CNBD1: variants seen among roughly 807,000 people sequenced by gnomAD.
CNBD1 encodes the protein cyclic nucleotide binding domain containing 1, also known as cyclic nucleotide-binding domain-containing protein 1.
CNBD1 carries 71 observed loss-of-function variants against 54.4 expected under a neutral mutation model. The ratio of observed to expected loss-of-function variants is 1.30; its 90% CI spans 1.08 to 1.59. The LOEUF (loss-of-function observed/expected upper bound fraction) is 1.59, where lower values mean the gene tolerates loss of function less well. Among genes scored for constraint, CNBD1 ranks in the 40% most tolerant of loss-of-function variants. The pLI is 0.00. For missense variants in CNBD1, 659 were observed against 518.0 expected (o/e 1.27, Z -2.64); for synonymous variants, 182 against 170.7 (o/e 1.07, Z -0.51).
chr8:87,365,991 T>G (rs1385134517), intron 10 of CNBD1, among the ~76,000 whole-genome samples: 1 of 152,106 alleles, frequency 6.6e-6, no homozygotes, highest in Non-Finnish European at 1.5e-5. Flanking sequence ...AAATCATTTT[T>G]AGTTGCCAAA....
chr8:87,381,822 A>G (rs948777850), intron 10 of CNBD1, among the ~76,000 whole-genome samples: 10 of 152,068 alleles, frequency 6.6e-5, no homozygotes, highest in African/African-American at 2.4e-4. Flanking sequence ...TAAAAAGTGG[A>G]ATGGTGGTTA....
chr8:87,038,170 T>A (rs1296246505), intron 4 of CNBD1, among the ~76,000 whole-genome samples: 2 of 152,078 alleles, frequency 1.3e-5, no homozygotes, highest in Non-Finnish European at 2.9e-5. Flanking sequence ...GAAAAGGAGG[T>A]AGCCATGTTG....
intron 2 of CNBD1, among the ~76,000 whole-genome samples, chr8:87,400,424 A>C (rs946100516): frequency 9.2e-5 from 14 of 151,974 alleles, no homozygotes; most frequent in Non-Finnish European, 1.6e-4. Context: ...GAAAAAATCA[A>C]TATTTGGTTA....
chr8:87,098,350 G>A (rs976757518), intron 4 of CNBD1, among the ~76,000 whole-genome samples: 1 of 152,154 alleles, frequency 6.6e-6, no homozygotes, highest in Non-Finnish European at 1.5e-5. Context: ...ACAAAATAGA[G>A]AGGTAGCCCC....
intron 10 of CNBD1, among the ~76,000 whole-genome samples, chr8:87,359,033 A>T (rs1810479679): frequency 6.6e-6 from 1 of 152,162 alleles, no homozygotes; most frequent in Non-Finnish European, 1.5e-5. Context: ...ACCCTCAAAG[A>T]CACATCTGGA....
chr8:87,128,870 T>C (rs979449689), intron 4 of CNBD1, among the ~76,000 whole-genome samples: 6 of 147,320 alleles, frequency 4.1e-5, no homozygotes, highest in Non-Finnish European at 7.5e-5. Context: ...GATCATGAGG[T>C]CAGGAAATCC....
chr8:87,279,877 C>A (rs181464694), intron 6 of CNBD1, among the ~76,000 whole-genome samples: 1 of 151,416 alleles, frequency 6.6e-6, no homozygotes, highest in Non-Finnish European at 1.5e-5. Context: ...CCATGCTTAG[C>A]CAACTTTTAA....
intron 6 of CNBD1, among the ~76,000 whole-genome samples, chr8:87,256,015 ATTTTTTTTTTT>A (rs1212667153): frequency 2.5e-4 from 4 of 15,778 alleles, no homozygotes; most frequent in South Asian, 5.8e-3. Flanking sequence ...ATATATATAT[ATTTTTTTTTTT>A]TTTTTTTTTT....
chr8:87,409,228 A>C (rs912910938), intron 2 of CNBD1, among the ~76,000 whole-genome samples: 5 of 152,184 alleles, frequency 3.3e-5, no homozygotes, highest in Non-Finnish European at 7.3e-5. Flanking sequence ...AGAAAGCAAC[A>C]GTTCTTACTG....
At chr8:87,397,586 T>A (rs542493138) in intron 2 of CNBD1, among the ~76,000 whole-genome samples, 4 of 152,086 alleles carry the variant, frequency 2.6e-5, no homozygotes, top group East Asian at 1.9e-4. Context: ...ATATATATAT[T>A]TTTAATTCAC....
At chr8:87,004,142 C>T (rs1052564341) in intron 4 of CNBD1, among the ~76,000 whole-genome samples, 11 of 152,010 alleles carry the variant, frequency 7.2e-5, no homozygotes, top group South Asian at 6.2e-4. Flanking sequence ...TGCTGGAGAC[C>T]GCATAATTTA....
intron 4 of CNBD1, among the ~76,000 whole-genome samples, chr8:86,948,553 T>A (rs187861354): frequency 6.6e-6 from 1 of 152,164 alleles, no homozygotes; most frequent in East Asian, 1.9e-4. Flanking sequence ...CATTTGCATG[T>A]CATTTTTTTG....
At chr8:86,926,798 CTGTA>C (rs1395615855) in intron 3 of CNBD1, among the ~76,000 whole-genome samples, 1 of 152,154 alleles carries the variant, frequency 6.6e-6, no homozygotes, top group Non-Finnish European at 1.5e-5. Flanking sequence ...TTCCCATAAA[CTGTA>C]TGAGAAATCC....
chr8:87,339,381 C>G (rs1480754520), intron 8 of CNBD1, among the ~76,000 whole-genome samples: 5 of 152,094 alleles, frequency 3.3e-5, no homozygotes, highest in African/African-American at 9.7e-5. Context: ...ACGCTCGCGT[C>G]ATTTCCCATG....
rs561782284 is a variant in CNBD1 at position 87,302,583 on chromosome 8, G to A, written c.1042+15912G>A. On this transcript the variant is annotated intron_variant, in intron 8 of 10. Transcript: ENST00000518476. ...CCCTTTGAAAACTGGCACAAGACAGGGATGCCCTCTCTCACCACTCCTATT... is the reference window on the plus strand; with the variant it reads ...CCCTTTGAAAACTGGCACAAGACAGAGATGCCCTCTCTCACCACTCCTATT... 7.3e-5 allele frequency among the ~76,000 whole-genome samples: 11 copies of A among 151,472 alleles called. 1 individual carries two copies. The highest frequency in any genetic ancestry group is 2.1e-4 in the South Asian group (1 of 4,784).
At chr8:87,138,558 G>A (rs887599995) in intron 4 of CNBD1, among the ~76,000 whole-genome samples, 1 of 152,158 alleles carries the variant, frequency 6.6e-6, no homozygotes, top group Admixed American at 6.5e-5. Flanking sequence ...CTGTTTAGTG[G>A]AAATAGTGTT....
chr8:87,312,759 A>T (rs1050099646), intron 8 of CNBD1, among the ~76,000 whole-genome samples: 4 of 152,030 alleles, frequency 2.6e-5, no homozygotes, highest in Admixed American at 2.0e-4. Flanking sequence ...AATTTCAGCT[A>T]GGAATATTCC....
intron 4 of CNBD1, among the ~76,000 whole-genome samples, chr8:87,199,909 A>G (rs1813818378): frequency 6.6e-6 from 1 of 152,190 alleles, no homozygotes; most frequent in African/African-American, 2.4e-5. Context: ...AGTGGCTCTC[A>G]GATGCTGTTA....
intron 4 of CNBD1, among the ~76,000 whole-genome samples, chr8:87,118,991 T>G (rs1811836569): frequency 6.6e-6 from 1 of 152,216 alleles, no homozygotes; most frequent in Non-Finnish European, 1.5e-5. Context: ...ATCCATAAGC[T>G]CTATCATTTA....
Sources: allele counts gnomAD v4.1 joint callset (sites outside exome capture counted in the v4.1 genomes callset), GRCh38; gene constraint gnomAD v4.1.1; transcripts MANE v1.5; gene names NCBI Gene and HGNC (gene_info 2026-07-23, HGNC 2026-07-21).